The following LPIN1 variants were observed in gnomAD, a reference collection of about 807,000 sequenced individuals.
The protein encoded by LPIN1 is lipin 1.
Under a neutral mutation model 107.5 loss-of-function variants are expected in LPIN1, and 71 were observed. The observed-to-expected ratio is 0.66, with a 90% confidence interval of 0.55 to 0.80. The LOEUF (loss-of-function observed/expected upper bound fraction) is 0.80, where lower values mean the gene tolerates loss of function less well. Ranked by LOEUF, LPIN1 falls within the 30% of genes least tolerant of loss-of-function variation. The pLI, the probability that LPIN1 is intolerant of heterozygous loss-of-function variation, is 0.00. For synonymous variants in LPIN1, 445 were observed against 452.6 expected (o/e 0.98, Z 0.21); for missense variants, 1,043 against 1,160.6 (o/e 0.90, Z 1.47).
At position 11,774,847 on chromosome 2, in the gene LPIN1, G is replaced by A. The variant is rs1672407537; in HGVS notation, c.722+1102G>A. ...GTCCAGCAGGCTGAGGCTGAGGCCT[G>A]TGACAAAGTCCCTGCATGGAGGTCT... is the stretch of plus-strand genomic sequence containing the variant. On this transcript the variant is annotated intron_variant, in intron 5 of 20. Coordinates refer to ENST00000674199, the MANE Select transcript of LPIN1 (RefSeq NM_001349206.2). This position sits in a 1 kb window ranked among gnomAD's most constrained non-coding sequence, Gnocchi z 4.4. Among the ~76,000 whole-genome samples, 1 of 152,028 alleles carries A rather than the reference G, an allele frequency of 6.6e-6. No homozygotes were observed. The highest frequency in any genetic ancestry group is 2.1e-4 in the South Asian group (1 of 4,814).
chr2:11,805,942 G>T (rs570583163), intron 17 of LPIN1, among the ~76,000 whole-genome samples: 3 of 151,986 alleles, frequency 2.0e-5, no homozygotes, highest in Non-Finnish European at 2.9e-5. Context: ...CCTCTCTCCC[G>T]CTCAGTCATG....
chr2:11,697,636 C>T lies in LPIN1; in HGVS notation c.82-16120C>T, dbSNP rs183746945. Among the ~76,000 whole-genome samples the T allele has an allele frequency of 1.5e-3, 224 of 152,314 alleles. No individual in the cohort carries two copies. The highest frequency in any genetic ancestry group is 2.0e-3 in the Non-Finnish European group (133 of 68,018). ...CTGGCCTGGGGACAGGGAAAGGACG[C>T]CCATTCATTGGCAGGGTGAGTGGAG... On this transcript the variant is annotated intron_variant, in intron 1 of 21. Transcript: ENST00000449576. This position sits in a 1 kb window ranked among gnomAD's most constrained non-coding sequence, Gnocchi z 4.6.
At chr2:11,772,418 G>T (rs574764529) in intron 4 of LPIN1, among the ~76,000 whole-genome samples, 1 of 152,208 alleles carries the variant, frequency 6.6e-6, no homozygotes, top group Admixed American at 6.5e-5. Flanking sequence ...TAGCAGCCTG[G>T]AATGGAGTCA....
intron 1 of LPIN1, among the ~76,000 whole-genome samples, chr2:11,711,835 A>G (rs963625363): frequency 3.9e-5 from 6 of 152,218 alleles, no homozygotes; most frequent in African/African-American, 1.4e-4. Context: ...TGTAAGACAC[A>G]GATTTGATCA....
chr2:11,746,572 T>A, upstream of LPIN1: 4 of 818,112 alleles, frequency 4.9e-6, no homozygotes, highest in Non-Finnish European at 5.9e-6. Flanking sequence ...CCCTGCCCTC[T>A]GCCCCCGCCC....
At chr2:11,776,218 G>A in intron 6 of LPIN1, 25 bp downstream of exon 6, 1 of 1,417,198 alleles carries the variant, frequency 7.1e-7, no homozygotes. Context: ...TTCCCCATTG[G>A]GATATATTCA....
At chr2:11,797,541 C>T (rs544290942) in intron 14 of LPIN1, among the ~76,000 whole-genome samples, 2 of 152,362 alleles carry the variant, frequency 1.3e-5, no homozygotes, top group Admixed American at 1.3e-4. Context: ...GGATGTGAGA[C>T]ATGGAGTCAA....
chr2:11,700,736 C>T (rs191054669), intron 1 of LPIN1, among the ~76,000 whole-genome samples: 16 of 152,290 alleles, frequency 1.1e-4, no homozygotes, highest in African/African-American at 2.9e-4. Flanking sequence ...GCTAATTAAA[C>T]GTCCCCCTGG....
intron 7 of LPIN1, among the ~76,000 whole-genome samples, chr2:11,780,605 C>G (rs995044272): frequency 2.0e-4 from 30 of 152,282 alleles, no homozygotes; most frequent in South Asian, 4.1e-4. Flanking sequence ...AATAGAGAAG[C>G]AGCTGAGGGT....
At chr2:11,726,752 TC>T (rs1293214101) in intron 1 of LPIN1, among the ~76,000 whole-genome samples, 3 of 152,200 alleles carry the variant, frequency 2.0e-5, no homozygotes, top group Non-Finnish European at 2.9e-5. Context: ...GGTTTTCTGG[TC>T]CAAGATCTGA....
At chr2:11,700,690 C>T (rs1158455625) in intron 1 of LPIN1, among the ~76,000 whole-genome samples, 5 of 152,130 alleles carry the variant, frequency 3.3e-5, no homozygotes, top group Non-Finnish European at 7.3e-5. Flanking sequence ...TGTATGAAGC[C>T]GCTCTGAGCC....
At chr2:11,751,809 G>A (rs1231603797) in intron 1 of LPIN1, among the ~76,000 whole-genome samples, 2 of 152,172 alleles carry the variant, frequency 1.3e-5, no homozygotes, top group African/African-American at 2.4e-5. Context: ...CCGAGATTGC[G>A]CCACTGCCCT....
chr2:11,684,968 C>T (rs1661927403), intron 1 of LPIN1, among the ~76,000 whole-genome samples: 2 of 152,100 alleles, frequency 1.3e-5, no homozygotes, highest in Admixed American at 6.5e-5. Flanking sequence ...CTGGAGCTTA[C>T]AGTCCAGGTG....
rs1663079990 is a variant in LPIN1, at chr2:11,705,474, G to A, written c.82-8282G>A. ...TAAGTGCCATGAAGGAGCTACAACA[G>A]TGCCCTGTGAGAAGGTGCAGTCAGG... On this transcript the variant is annotated intron_variant, in intron 1 of 21. Coordinates refer to the LPIN1 transcript ENST00000449576. 1.3e-5 allele frequency among the ~76,000 whole-genome samples: 2 copies of A among 152,202 alleles called. 1 individual carries two copies. Among genetic ancestry groups the A allele is most frequent in the South Asian group, 4.1e-4 (2 of 4,828 alleles).
chr2:11,688,585 A>G (rs1411734796), intron 1 of LPIN1, among the ~76,000 whole-genome samples: 2 of 152,220 alleles, frequency 1.3e-5, no homozygotes, highest in African/African-American at 4.8e-5. Context: ...GTCCTGGCCC[A>G]GAAATACCCT....
intron 14 of LPIN1, among the ~76,000 whole-genome samples, chr2:11,801,782 A>T (rs545671442): frequency 6.6e-6 from 1 of 152,358 alleles, no homozygotes; most frequent in South Asian, 2.1e-4. Flanking sequence ...CAAAGAAATG[A>T]TAACTGTTTG....
At chr2:11,796,698 C>T (rs1291076449) in intron 14 of LPIN1, among the ~76,000 whole-genome samples, 2 of 152,136 alleles carry the variant, frequency 1.3e-5, no homozygotes, top group Non-Finnish European at 2.9e-5. Context: ...ATCGATATTT[C>T]CCAGCTGGGA....
chr2:11,723,177 A>G (rs1475130454), upstream of LPIN1, among the ~76,000 whole-genome samples: 1 of 152,198 alleles, frequency 6.6e-6, no homozygotes, highest in Non-Finnish European at 1.5e-5. Flanking sequence ...GTATGCCTGG[A>G]AGATCAAGAG....
chr2:11,736,248 GA>G (rs770734563), intron 1 of LPIN1, among the ~76,000 whole-genome samples: 2 of 152,228 alleles, frequency 1.3e-5, no homozygotes, highest in African/African-American at 2.4e-5. Flanking sequence ...CAGGCTGCTA[GA>G]ACACATATCA....
Sources: gnomAD v4.1 joint callset for allele counts (sites outside exome capture counted in the v4.1 genomes callset) on GRCh38, gnomAD v4.1.1 for gene constraint, Gnocchi (gnomAD v3.1) non-coding constraint, MANE v1.5 for transcripts, NCBI Gene and HGNC (gene_info 2026-07-23, HGNC 2026-07-21) for gene names.